Variants in CMYA5 observed in about 807,000 individuals in gnomAD.
The protein encoded by CMYA5 is cardiomyopathy-associated protein 5.
A neutral mutation model predicts 318.9 loss-of-function variants in CMYA5; 246 were observed. The ratio of observed to expected loss-of-function variants is 0.77; its 90% CI spans 0.70 to 0.86. The LOEUF (loss-of-function observed/expected upper bound fraction) is 0.86, where lower values mean the gene tolerates loss of function less well. CMYA5 is among the 40% of genes least tolerant of loss of function. The pLI is 0.00. For synonymous variants in CMYA5, 1,641 were observed against 1,729.5 expected (o/e 0.95, Z 1.27); for missense variants, 4,589 against 4,678.2 (o/e 0.98, Z 0.56).
Position 79,734,542 on chromosome 5 carries a change from C to T in CMYA5, c.5777C>T (p.Pro1926Leu). 1 of 1,613,782 alleles carries T rather than the reference C, an allele frequency of 6.2e-7. No individual in the cohort carries two copies. The highest frequency in any genetic ancestry group is 8.5e-7 in the Non-Finnish European group (1 of 1,179,768). Residue 1926 changes from proline to leucine, a missense_variant, in exon 2 of 13, where the codon CCA becomes CTA. Physicochemically the swap from Pro to Leu is moderately conservative, Grantham distance 98. Around this residue, in one of 3 missense-constraint regions of CMYA5, gnomAD observed 2,431 missense variants for 2,495.1 expected, o/e 0.97. Coordinates refer to ENST00000446378, the MANE Select transcript of CMYA5 (RefSeq NM_153610.5). ...TCCTCTAGCAGCAATGAGCTGAGGCCAGGGCAGCTCAAGGCTGCTGTGTCC... is the reference window on the plus strand; with the variant it reads ...TCCTCTAGCAGCAATGAGCTGAGGCTAGGGCAGCTCAAGGCTGCTGTGTCC... ...LDSSSSNELR[P>L]GQLKAAVSSK...
In CMYA5 at chr5:79,733,176, G is replaced by A; in HGVS notation, c.4411G>A (p.Gly1471Arg). 6.2e-7 allele frequency: 1 copy of A among 1,613,746 alleles called. No individual in the cohort carries two copies. Among genetic ancestry groups the A allele is most frequent in the African/African-American group, 1.3e-5 (1 of 75,028 alleles). ...SEVEAKEVKA[G>R]LPVIKTSSSQ... Reference sequence around the variant, plus strand: ...AGTAGAAGCCAAAGAAGTTAAAGCTGGGTTGCCAGTAATCAAAACATCATC... The same window carrying A: ...AGTAGAAGCCAAAGAAGTTAAAGCTAGGTTGCCAGTAATCAAAACATCATC... The change falls in exon 2 of 13, where the codon GGG becomes AGG. Residue 1471 changes from glycine (G) to arginine (R), a missense_variant. By Grantham distance (125) the Gly-to-Arg change is moderately radical. Coordinates refer to ENST00000446378, the MANE Select transcript of CMYA5 (RefSeq NM_153610.5).
intron 3 of CMYA5, among the ~76,000 whole-genome samples, chr5:79,744,590 T>C (rs189015920): frequency 6.6e-6 from 1 of 152,284 alleles, no homozygotes; most frequent in East Asian, 1.9e-4. Flanking sequence ...GGTTTGCTTG[T>C]AAGAGGTCTG....
intron 1 of CMYA5, among the ~76,000 whole-genome samples, chr5:79,710,187 A>T (rs1827362820): frequency 6.6e-6 from 1 of 152,132 alleles, no homozygotes; most frequent in African/African-American, 2.4e-5. Context: ...AAAATATAAA[A>T]TAATGTCATT....
chr5:79,789,090 T>C lies in CMYA5; in HGVS notation c.11675T>C (p.Leu3892Pro). The C allele has an allele frequency of 6.2e-7, 1 of 1,613,816 alleles. No individual in the cohort carries two copies. The highest frequency in any genetic ancestry group is 1.1e-5 in the South Asian group (1 of 91,024). Residue 3892 changes from leucine to proline, a missense_variant, in exon 10 of 13, where the codon CTC (leucine) becomes CCC (proline). Leu to Pro is a moderately conservative substitution (Grantham distance 98). Around this residue, in one of 3 missense-constraint regions of CMYA5, gnomAD observed 2,431 missense variants for 2,495.1 expected, o/e 0.97. Coordinates refer to ENST00000446378, the MANE Select transcript of CMYA5 (RefSeq NM_153610.5). ...ACAAGTGAACAGAGTGAAGCTGCTCTCATCTCCACCAGAGGTACTTTCTCC... is the reference window on the plus strand; with the variant it reads ...ACAAGTGAACAGAGTGAAGCTGCTCCCATCTCCACCAGAGGTACTTTCTCC... ...FGTSEQSEAA[L>P]ISTRGTRFLL...
Position 79,790,977 on chromosome 5 carries a change from A to G in CMYA5, c.11697A>G (p.Arg3899=). 1 of 1,611,590 alleles carries G rather than the reference A, an allele frequency of 6.2e-7. No homozygotes were observed. The highest frequency in any genetic ancestry group is 8.5e-7 in the Non-Finnish European group (1 of 1,177,942). ...EAALISTRGT[R]FLLLRETAHP... ...TTTTCTCACCTGCAATAGGAACCAG[A>G]TTTCTCTTGTTGAGAGAAACAGCTC... Residue 3899 remains arginine (R), a synonymous_variant, in exon 11 of 13, where the codon AGA becomes AGG. Coordinates refer to ENST00000446378, the MANE Select transcript of CMYA5 (RefSeq NM_153610.5).
Position 79,799,977 on chromosome 5 carries a change from T to G in CMYA5, c.*361T>G, listed in dbSNP as rs1383816529. 1 of 167,276 alleles carries G rather than the reference T, an allele frequency of 6.0e-6. No homozygotes were observed. The highest frequency in any genetic ancestry group is 5.9e-5 in the Admixed American group (1 of 17,008). 10.4% of individuals were successfully genotyped at this position (167,276 alleles called of 1,614,324 possible). On this transcript the variant is annotated 3_prime_UTR_variant, in exon 13 of 13. Transcript: ENST00000446378. Reference sequence around the variant, plus strand: ...GACAGGTCAGAGTGAAGGAAGGTTGTGCTGGTAAGACATCTCTGACGAAGA... The same window carrying G: ...GACAGGTCAGAGTGAAGGAAGGTTGGGCTGGTAAGACATCTCTGACGAAGA...
At position 79,737,732 on chromosome 5, in the gene CMYA5, A is replaced by G. The variant is rs1561213122; in HGVS notation, c.8967A>G (p.Ile2989Met). The change falls in exon 2 of 13, where the codon ATA becomes ATG. Residue 2989 changes from isoleucine to methionine, a missense_variant. Ile to Met is a conservative substitution (Grantham distance 10). This residue lies in a region of CMYA5 where 2,431 missense variants were observed against 2,495.1 expected (regional missense o/e 0.97). Transcript: ENST00000446378. The part of the protein sequence containing the change: ...YLEEKASFKT[I>M]PLPDDSETVA... ...AAGAGAAAGCCTCATTTAAAACCAT[A>G]CCACTCCCTGATGATAGTGAAACAG... 3.1e-6 allele frequency: 5 copies of G among 1,611,958 alleles called. No individual in the cohort carries two copies. Among genetic ancestry groups the G allele is most frequent in the Non-Finnish European group, 4.2e-6 (5 of 1,179,424 alleles).
chr5:79,700,166 T>C (rs1157844645), intron 1 of CMYA5, among the ~76,000 whole-genome samples: 6 of 152,252 alleles, frequency 3.9e-5, no homozygotes, highest in Admixed American at 3.9e-4. Flanking sequence ...CAGTTTTCAC[T>C]TGTCAATCTC....
chr5:79,721,387 A>T (rs1343488665), intron 1 of CMYA5, among the ~76,000 whole-genome samples: 2 of 152,144 alleles, frequency 1.3e-5, no homozygotes, highest in East Asian at 3.8e-4. Context: ...AATAGGTAGG[A>T]CAAATAGAAA....
Position 79,729,958 on chromosome 5 carries a change from G to A in CMYA5, c.1193G>A (p.Cys398Tyr). 2.5e-6 allele frequency: 4 copies of A among 1,614,002 alleles called. No individual in the cohort carries two copies. Among genetic ancestry groups the A allele is most frequent in the Non-Finnish European group, 3.4e-6 (4 of 1,179,888 alleles). Residue 398 changes from cysteine to tyrosine, a missense_variant, in exon 2 of 13, where the codon TGT becomes TAT. Physicochemically the swap from Cys to Tyr is radical, Grantham distance 194 (BLOSUM62 -2). Coordinates refer to ENST00000446378, the MANE Select transcript of CMYA5 (RefSeq NM_153610.5). ...TTCCTGAGAACAACAAAGGAAGAAT[G>A]TGAGCTTGCTTCACCAGGAACTGCA... ...TMFLRTTKEE[C>Y]ELASPGTAAS...
In CMYA5 at chr5:79,736,828, A is replaced by G. The variant is rs1828081645; in HGVS notation, c.8063A>G (p.Asp2688Gly). Reference protein sequence around the residue: ...ESELSKGGSVDITKETVKQGF... With the variant: ...ESELSKGGSVGITKETVKQGF... ...GAGCTATCGAAAGGCGGTTCAGTAG[A>G]TATCACAAAAGAAACTGTGAAACAA... The change falls in exon 2 of 13, where the codon GAT (aspartate) becomes GGT (glycine). Residue 2688 changes from aspartate (D) to glycine (G), a missense_variant. Around this residue, in one of 3 missense-constraint regions of CMYA5, gnomAD observed 2,431 missense variants for 2,495.1 expected, o/e 0.97. Transcript: ENST00000446378. The G allele has an allele frequency of 6.2e-7, 1 of 1,612,798 alleles. No homozygotes were observed. The highest frequency in any genetic ancestry group is 8.5e-7 in the Non-Finnish European group (1 of 1,179,694).
In CMYA5 at chr5:79,778,665, G is replaced by C. The variant is rs73125673; in HGVS notation, c.11556-10306G>C. On this transcript the variant is annotated intron_variant, in intron 9 of 12. Transcript: ENST00000446378. Reference sequence around the variant, plus strand: ...AAGGAAGTTAGCTTTCCTATTAAGAGATAAGTTTCAAATCTTTAAAAATTT... The same window carrying C: ...AAGGAAGTTAGCTTTCCTATTAAGACATAAGTTTCAAATCTTTAAAAATTT... 2.6e-3 allele frequency among the ~76,000 whole-genome samples: 393 copies of C among 151,384 alleles called. 3 individuals are homozygous for C. The highest frequency in any genetic ancestry group is 9.3e-3 in the African/African-American group (383 of 41,258).
intron 2 of CMYA5, among the ~76,000 whole-genome samples, chr5:79,742,152 C>A (rs1244439495): frequency 7.0e-6 from 1 of 143,528 alleles, no homozygotes; most frequent in Non-Finnish European, 1.5e-5. Context: ...TCCTCCCCCT[C>A]TTCCTTTCCC....
At chr5:79,740,635 T>G (rs1163638123) in intron 2 of CMYA5, among the ~76,000 whole-genome samples, 2 of 152,190 alleles carry the variant, frequency 1.3e-5, no homozygotes, top group Non-Finnish European at 2.9e-5. Context: ...GTGTTCCAGA[T>G]AAGTTAGTCC....
Position 79,773,301 on chromosome 5 carries a change from T to A in CMYA5, c.11555+10092T>A, listed in dbSNP as rs117161897. On this transcript the variant is annotated intron_variant, in intron 9 of 12. Coordinates refer to ENST00000446378, the MANE Select transcript of CMYA5 (RefSeq NM_153610.5). ...AAAGTTAGTCTAGCTTTGAGGATAA[T>A]CTCTTATTTAAAATGAGGAAAAAAA... 8.1e-4 allele frequency among the ~76,000 whole-genome samples: 124 copies of A among 152,252 alleles called. 1 individual carries two copies. In the East Asian group the frequency reaches 0.021, roughly 26 times the overall value.
chr5:79,721,113 G>A (rs1476550898), intron 1 of CMYA5, among the ~76,000 whole-genome samples: 3 of 152,110 alleles, frequency 2.0e-5, no homozygotes, highest in Non-Finnish European at 1.5e-5. Context: ...GATGTATGTT[G>A]TAATTTCCAG....
chr5:79,715,218 A>G (rs976962253), intron 1 of CMYA5, among the ~76,000 whole-genome samples: 4 of 152,178 alleles, frequency 2.6e-5, no homozygotes, highest in African/African-American at 7.2e-5. Context: ...GCCAAAGGCA[A>G]TAATATATGT....
In CMYA5 at chr5:79,763,217, G is replaced by T; in HGVS notation, c.11555+8G>T. Reference sequence around the variant, plus strand: ...TGAGGGAGAGGGCCTCAGGTGAGGGGCCCTCTCCATGGGAGAGACTGCCCA... The same window carrying T: ...TGAGGGAGAGGGCCTCAGGTGAGGGTCCCTCTCCATGGGAGAGACTGCCCA... On this transcript the variant is annotated splice_region_variant and intron_variant, in intron 9 of 12. Coordinates refer to ENST00000446378, the MANE Select transcript of CMYA5 (RefSeq NM_153610.5). The T allele has an allele frequency of 6.3e-7, 1 of 1,590,838 alleles. No individual in the cohort carries two copies. The highest frequency in any genetic ancestry group is 1.7e-4 in the Middle Eastern group (1 of 6,024).
rs747805696 is a variant in CMYA5, at chr5:79,737,233, G to A, written c.8468G>A (p.Gly2823Glu). ...SPVKPQTLASGASPEINAVKK... is the reference protein window; with the variant it reads ...SPVKPQTLASEASPEINAVKK... ...GTAAAACCACAAACTCTTGCTTCAG[G>A]AGCTTCTCCAGAAATTAACGCAGTG... is the stretch of plus-strand genomic sequence containing the variant. Residue 2823 changes from glycine (G) to glutamate (E), a missense_variant, in exon 2 of 13, where the codon GGA (glycine) becomes GAA (glutamate). Transcript: ENST00000446378. 6.2e-7 allele frequency: 1 copy of A among 1,613,470 alleles called. No homozygotes were observed. Among genetic ancestry groups the A allele is most frequent in the Admixed American group, 1.7e-5 (1 of 59,918 alleles).
Sources: gnomAD v4.1 joint callset for allele counts (sites outside exome capture counted in the v4.1 genomes callset) on GRCh38, gnomAD v4.1.1 for gene constraint, gnomAD v4.1.1 regional missense constraint, MANE v1.5 for transcripts, NCBI Gene and HGNC (gene_info 2026-07-23, HGNC 2026-07-21) for gene names.